The following KICS2 variants were observed in gnomAD, a reference collection of about 807,000 sequenced individuals.
KICS2 encodes the protein KICSTOR complex protein C12orf66.
A neutral mutation model predicts 31.4 loss-of-function variants in KICS2; 13 were observed. That is an observed-to-expected ratio of 0.41 (90% confidence interval 0.27 to 0.66). KICS2 has a LOEUF of 0.66. Ranked by LOEUF, KICS2 falls within the 30% of genes least tolerant of loss-of-function variation. KICS2 has a pLI of 0.28. For synonymous variants in KICS2, 209 were observed against 214.8 expected (o/e 0.97, Z 0.24); for missense variants, 455 against 545.4 (o/e 0.83, Z 1.65).
chr12:64,215,841 C>A lies in KICS2; in HGVS notation c.358G>T (p.Glu120Ter). 1 of 1,613,926 alleles carries A rather than the reference C, an allele frequency of 6.2e-7. No homozygotes were observed. The highest frequency in any genetic ancestry group is 8.5e-7 in the Non-Finnish European group (1 of 1,179,942). ...TGCTCTGACAGGTGGGAAAGGAGTT[C>A]TTCCACGTGAGGAGCAGTCCCACCC... ...ALGGTAPHVE[E>*]LLSHLSEQLC... The change falls in exon 2 of 3, where the codon GAA (glutamate) becomes TAA (stop). Residue 120 changes from glutamate (E) to a stop codon, truncating the protein, a stop_gained. Transcript: ENST00000398055. LOFTEE classifies it high-confidence loss of function.
At chr12:64,219,538 A>C (rs2037659671) in intron 1 of KICS2, among the ~76,000 whole-genome samples, 1 of 152,196 alleles carries the variant, frequency 6.6e-6, no homozygotes, top group Non-Finnish European at 1.5e-5. Context: ...TAAGGCCTCA[A>C]ATAAATACCA....
At position 64,194,949 on chromosome 12, in the gene KICS2, T is replaced by A. The variant is rs538276740; in HGVS notation, c.522-291A>T. On this transcript the variant is annotated intron_variant, in intron 2 of 2. Coordinates refer to ENST00000398055, the MANE Select transcript of KICS2 (RefSeq NM_152440.5). Reference sequence around the variant, plus strand: ...TAGCTACAATTCATTTTTTTTTTTTTATTTATTTATTTTAGACTGGTTCTT... The same window carrying A: ...TAGCTACAATTCATTTTTTTTTTTTAATTTATTTATTTTAGACTGGTTCTT... Among the ~76,000 whole-genome samples the A allele has an allele frequency of 7.0e-3, 848 of 121,312 alleles. 14 individuals are homozygous for A. The highest frequency in any genetic ancestry group is 0.023 in the African/African-American group (802 of 34,418). The allele number at this position is 121,312 out of a possible 152,430, so 79.6% of individuals were successfully genotyped here. A position where few individuals can be genotyped will look rare whatever the true frequency, so the allele number is the denominator to read the frequency against.
intron 2 of KICS2, among the ~76,000 whole-genome samples, chr12:64,202,257 T>C (rs1181158776): frequency 6.6e-6 from 1 of 151,984 alleles, no homozygotes; most frequent in African/African-American, 2.4e-5. Flanking sequence ...CATTCAAAAA[T>C]TAGTCAAGTG....
intron 1 of KICS2, among the ~76,000 whole-genome samples, chr12:64,218,695 G>C (rs2037652466): frequency 6.6e-6 from 1 of 150,796 alleles, no homozygotes; most frequent in Admixed American, 6.6e-5. Context: ...CTGTCTCTAG[G>C]ACTTATGGGA....
At chr12:64,194,936 A>ATT (rs60371744) in intron 2 of KICS2, among the ~76,000 whole-genome samples, 68,670 of 149,302 alleles carry the variant, frequency 0.46, 15,976 homozygotes, top group Non-Finnish European at 0.51. Flanking sequence ...GCTACAATTC[A>ATT]TTTTTTTTTT....
At chr12:64,202,593 T>C (rs1041598024) in intron 2 of KICS2, among the ~76,000 whole-genome samples, 2 of 149,730 alleles carry the variant, frequency 1.3e-5, no homozygotes, top group Non-Finnish European at 3.0e-5. Context: ...ACTTCCGCTA[T>C]TGATAGTTTC....
At chr12:64,207,301 C>CAAAA (rs35532711) in intron 2 of KICS2, among the ~76,000 whole-genome samples, 17 of 57,326 alleles carry the variant, frequency 3.0e-4, no homozygotes, top group African/African-American at 5.3e-4. Context: ...CAACTCGTCT[C>CAAAA]AAAAAAAAAA....
At chr12:64,204,533 C>A (rs1327302935) in intron 2 of KICS2, among the ~76,000 whole-genome samples, 1 of 152,188 alleles carries the variant, frequency 6.6e-6, no homozygotes, top group Non-Finnish European at 1.5e-5. Flanking sequence ...TACCTGTAAT[C>A]TTAGCACTTT....
At chr12:64,201,573 T>C (rs1427518323) in intron 2 of KICS2, among the ~76,000 whole-genome samples, 3 of 120,456 alleles carry the variant, frequency 2.5e-5, no homozygotes, top group Non-Finnish European at 4.9e-5. Context: ...ACCTGCACAA[T>C]GTGCACATGT....
At chr12:64,207,605 T>G (rs1469038050) in intron 2 of KICS2, among the ~76,000 whole-genome samples, 2 of 152,202 alleles carry the variant, frequency 1.3e-5, no homozygotes, top group Non-Finnish European at 2.9e-5. Flanking sequence ...ACTTTTGCAC[T>G]TTGGACATTG....
chr12:64,193,447 C>T lies in KICS2; in HGVS notation c.*395G>A. On this transcript the variant is annotated 3_prime_UTR_variant, in exon 3 of 3. Transcript: ENST00000398055. ...AAAAAGGCCATTTAATATCTCATCCCTATTACTCTTCCAAGAAGGAGGGAA... is the reference window on the plus strand; with the variant it reads ...AAAAAGGCCATTTAATATCTCATCCTTATTACTCTTCCAAGAAGGAGGGAA... 1.0e-6 allele frequency: 1 copy of T among 1,000,704 alleles called. No homozygotes were observed. The highest frequency in any genetic ancestry group is 1.2e-6 in the Non-Finnish European group (1 of 840,164). 62.0% of individuals were successfully genotyped at this position (1,000,704 alleles called of 1,614,324 possible). A position where few individuals can be genotyped will look rare whatever the true frequency, so the allele number is the denominator to read the frequency against.
At chr12:64,203,349 CTG>C (rs2037507786) in intron 2 of KICS2, among the ~76,000 whole-genome samples, 1 of 152,206 alleles carries the variant, frequency 6.6e-6, no homozygotes, top group East Asian at 1.9e-4. Context: ...AGTTTCTCTT[CTG>C]AGAAGCGCCT....
intron 2 of KICS2, among the ~76,000 whole-genome samples, chr12:64,210,810 T>C (rs1352873581): frequency 2.0e-5 from 3 of 151,930 alleles, no homozygotes; most frequent in Non-Finnish European, 4.4e-5. Context: ...ACAAATCTAA[T>C]AAAATGAAAA....
intron 2 of KICS2, among the ~76,000 whole-genome samples, chr12:64,213,101 A>AAAAAAAAAAAAAAAAAG (rs1565719519): frequency 6.8e-6 from 1 of 146,804 alleles, no homozygotes; most frequent in Non-Finnish European, 1.5e-5. Context: ...AAAAAAAAAA[A>AAAAAAAAAAAAAAAAAG]AAAAGAAAAG....
intron 2 of KICS2, among the ~76,000 whole-genome samples, chr12:64,212,860 T>A (rs1373560289): frequency 1.3e-5 from 2 of 151,046 alleles, no homozygotes; most frequent in Non-Finnish European, 3.0e-5. Flanking sequence ...GAGGCTGAGG[T>A]GGGTGGATTG....
chr12:64,188,720 G>A (rs2037358414), downstream of KICS2, among the ~76,000 whole-genome samples: 1 of 152,128 alleles, frequency 6.6e-6, no homozygotes, highest in African/African-American at 2.4e-5. Flanking sequence ...CTTGTGGTCA[G>A]GGAGAAAACG....
intron 2 of KICS2, among the ~76,000 whole-genome samples, chr12:64,201,147 T>C (rs11175059): frequency 1.4e-5 from 2 of 147,660 alleles, no homozygotes; most frequent in Middle Eastern, 3.5e-3. Flanking sequence ...TATAAAGACA[T>C]ATGCACACGT....
chr12:64,216,954 CA>C (rs58440199), intron 1 of KICS2, among the ~76,000 whole-genome samples: 150,170 of 152,314 alleles, frequency 0.99, 74,064 homozygotes, highest in Middle Eastern at 1. Flanking sequence ...TAAAAAAACT[CA>C]AGAGATGGAC....
Position 64,192,463 on chromosome 12 carries a change from G to T in KICS2, c.*1379C>A. ...TCTGCCAGGCAGTCCACCCTAGGTG[G>T]GCAGGCTTCCTACATGGACTCTGAG... is the stretch of plus-strand genomic sequence containing the variant. On this transcript the variant is annotated 3_prime_UTR_variant, in exon 3 of 3. Transcript: ENST00000398055. The T allele has an allele frequency of 3.0e-6, 1 of 331,900 alleles. No individual in the cohort carries two copies. Among genetic ancestry groups the T allele is most frequent in the Non-Finnish European group, 4.3e-6 (1 of 232,716 alleles). 20.6% of individuals were successfully genotyped at this position (331,900 alleles called of 1,614,324 possible).
Sources: allele counts gnomAD v4.1 joint callset (sites outside exome capture counted in the v4.1 genomes callset), GRCh38; gene constraint gnomAD v4.1.1; transcripts MANE v1.5; gene names NCBI Gene and HGNC (gene_info 2026-07-23, HGNC 2026-07-21).